Variants in KIF3C observed in about 807,000 individuals in gnomAD.
KIF3C encodes kinesin-like protein KIF3C.
Under a neutral mutation model 67.7 loss-of-function variants are expected in KIF3C, and 12 were observed. The ratio of observed to expected loss-of-function variants is 0.18; its 90% CI spans 0.11 to 0.29. KIF3C has a LOEUF of 0.29. KIF3C is among the 10% of genes least tolerant of loss of function. KIF3C has a pLI of 1.00. For missense variants in KIF3C, 789 were observed against 1,059.6 expected, an observed-to-expected ratio of 0.74 and a Z score of 3.55; for synonymous variants, 393 against 426.2, an observed-to-expected ratio of 0.92 and a Z score of 0.96.
chr2:25,969,296 T>C (rs1393400333), intron 1 of KIF3C, among the ~76,000 whole-genome samples: 3 of 152,196 alleles, frequency 2.0e-5, no homozygotes, highest in Admixed American at 2.0e-4. Flanking sequence ...CATATATCTT[T>C]TATATGTCCC....
Position 25,955,473 on chromosome 2 carries a change from A to G in KIF3C, c.1770+68T>C. The G allele has an allele frequency of 6.3e-7, 1 of 1,581,688 alleles. No homozygotes were observed. Among genetic ancestry groups the G allele is most frequent in the Non-Finnish European group, 8.6e-7 (1 of 1,158,360 alleles). Reference sequence around the variant, plus strand: ...CCAAATGGGGAGGAGTCCCTGAAGCACACATCCCTTGGGCAGAGACTGCTG... The same window carrying G: ...CCAAATGGGGAGGAGTCCCTGAAGCGCACATCCCTTGGGCAGAGACTGCTG... On this transcript the variant is annotated intron_variant, in intron 3 of 7. Transcript: ENST00000264712. This position sits in a 1 kb window ranked among gnomAD's most constrained non-coding sequence, Gnocchi z 5.0.
chr2:25,947,537 C>A (rs1002746071), intron 5 of KIF3C, among the ~76,000 whole-genome samples: 3 of 149,962 alleles, frequency 2.0e-5, no homozygotes, highest in African/African-American at 7.4e-5. Flanking sequence ...GCTGAGATAG[C>A]GCCACTGCAC....
chr2:25,957,857 G>A (rs946313508), intron 1 of KIF3C, among the ~76,000 whole-genome samples: 1 of 152,240 alleles, frequency 6.6e-6, no homozygotes, highest in African/African-American at 2.4e-5. Flanking sequence ...GCAGGAGGAA[G>A]AGGCCTTGAG....
chr2:25,962,170 A>T (rs1376271848), intron 1 of KIF3C, among the ~76,000 whole-genome samples: 1 of 152,196 alleles, frequency 6.6e-6, no homozygotes, highest in African/African-American at 2.4e-5. Context: ...TACATTTACG[A>T]AATTTGTTAC....
At chr2:25,944,724 G>T (rs1663382925) in intron 5 of KIF3C, among the ~76,000 whole-genome samples, 2 of 152,198 alleles carry the variant, frequency 1.3e-5, no homozygotes, top group South Asian at 4.1e-4. Flanking sequence ...TCTTTATTCT[G>T]AACAGGTACA....
intron 5 of KIF3C, among the ~76,000 whole-genome samples, chr2:25,937,789 G>T (rs540495529): frequency 6.6e-6 from 1 of 152,102 alleles, no homozygotes; most frequent in Admixed American, 6.6e-5. Context: ...GGTGGCTCAC[G>T]GCACGCCTGT....
rs561170412 is a variant in KIF3C, at chr2:25,948,614, AAGAGAAAG to A, written c.2006+3167_2006+3174del. Among the ~76,000 whole-genome samples, 1,172 of 146,312 alleles carry A rather than the reference AAGAGAAAG, an allele frequency of 8.0e-3. 11 individuals are homozygous for A. Among genetic ancestry groups the A allele is most frequent in the Non-Finnish European group, 0.012 (795 of 66,760 alleles). On this transcript the variant is annotated intron_variant, in intron 5 of 7. Coordinates refer to ENST00000264712, the MANE Select transcript of KIF3C (RefSeq NM_002254.8). ...GGAGAAAGAGAAAGAAAGAAAGAGA[AAGAGAAAG>A]AGAGAAAGAGAGAGAGAAAGAGAAA...
At chr2:25,944,555 T>C (rs763361144) in intron 5 of KIF3C, among the ~76,000 whole-genome samples, 1 of 151,978 alleles carries the variant, frequency 6.6e-6, no homozygotes, top group Non-Finnish European at 1.5e-5. Flanking sequence ...CTCGCTATGT[T>C]GCCCAGGCTG....
In KIF3C at chr2:25,929,971, G is replaced by A. The variant is rs746685527; in HGVS notation, c.2099C>T (p.Ser700Phe). 2 of 1,611,206 alleles carry A rather than the reference G, an allele frequency of 1.2e-6. No homozygotes were observed. Among genetic ancestry groups the A allele is most frequent in the Admixed American group, 1.7e-5 (1 of 60,010 alleles). Residue 700 changes from serine (S) to phenylalanine (F), a missense_variant, in exon 6 of 8, where the codon TCC (serine) becomes TTC (phenylalanine). Ser to Phe is a radical substitution (Grantham distance 155). Transcript: ENST00000264712. ...GCTTCTTACCCTGTACCTGGGGTGG[G>A]ACCCCATTGCCATGGCAACCCGAGC... is the stretch of plus-strand genomic sequence containing the variant. Reference protein sequence around the residue: ...QYARVAMAMGSHPRYRAENIM... With the variant: ...QYARVAMAMGFHPRYRAENIM...
intron 1 of KIF3C, among the ~76,000 whole-genome samples, chr2:25,972,650 A>C (rs1232681951): frequency 6.6e-6 from 1 of 152,200 alleles, no homozygotes; most frequent in African/African-American, 2.4e-5. Context: ...GGACATGTGG[A>C]TGGAACCAGA....
intron 5 of KIF3C, among the ~76,000 whole-genome samples, chr2:25,941,427 A>G (rs910644024): frequency 6.6e-6 from 1 of 151,980 alleles, no homozygotes; most frequent in South Asian, 2.1e-4. Flanking sequence ...GCTGTCACAT[A>G]TATCACCCTT....
At chr2:25,930,677 A>C (rs1342270986) in intron 5 of KIF3C, among the ~76,000 whole-genome samples, 1 of 152,134 alleles carries the variant, frequency 6.6e-6, no homozygotes, top group African/African-American at 2.4e-5. Context: ...AGCTTGGATT[A>C]TAGGCATGTG....
chr2:25,951,886 A>G lies in KIF3C; in HGVS notation c.1909T>C (p.Phe637Leu). The G allele has an allele frequency of 6.2e-7, 1 of 1,613,536 alleles. No individual in the cohort carries two copies. The highest frequency in any genetic ancestry group is 8.5e-7 in the Non-Finnish European group (1 of 1,179,510). ...TTGTTCTTCTCCTCCGGCGGGATGA[A>G]GTTCTCGATGATTAGGTACCTGGGA... is the stretch of plus-strand genomic sequence containing the variant. The part of the protein sequence containing the change: ...LKLKYLIIEN[F>L]IPPEEKNKIM... Residue 637 changes from phenylalanine (F) to leucine (L), a missense_variant, in exon 5 of 8, where the codon TTC becomes CTC. Around this residue, in one of 2 missense-constraint regions of KIF3C, gnomAD observed 648 missense variants for 807.8 expected, o/e 0.80. Transcript: ENST00000264712.
intron 5 of KIF3C, among the ~76,000 whole-genome samples, chr2:25,937,636 C>G (rs1663169084): frequency 6.6e-6 from 1 of 152,156 alleles, no homozygotes; most frequent in Non-Finnish European, 1.5e-5. Context: ...AACTTAACAA[C>G]CTCCGGAGGT....
chr2:25,961,916 C>T (rs1663953806), intron 1 of KIF3C, among the ~76,000 whole-genome samples: 1 of 148,090 alleles, frequency 6.8e-6, no homozygotes, highest in Admixed American at 6.8e-5. Flanking sequence ...CCACTGCACT[C>T]CTGCCTGGGT....
chr2:25,963,265 G>A (rs1391260778), intron 1 of KIF3C, among the ~76,000 whole-genome samples: 1 of 128,690 alleles, frequency 7.8e-6, no homozygotes, highest in African/African-American at 3.0e-5. Flanking sequence ...GAGTGCAGTG[G>A]TGCACTCTCA....
chr2:25,952,994 C>T (rs139403245), intron 4 of KIF3C, among the ~76,000 whole-genome samples: 1,572 of 152,078 alleles, frequency 0.01, 11 homozygotes, highest in Non-Finnish European at 0.017. Flanking sequence ...TGTGGCCAGG[C>T]GAGGTGGCTC....
chr2:25,982,142 T>C lies in KIF3C; in HGVS notation c.-225A>G. ...TCTCTGCACCGGCTGGGAGGTGAAT[T>C]AGGCAGAATCCCCCAGTCGCCGCGG... is the stretch of plus-strand genomic sequence containing the variant. On this transcript the variant is annotated 5_prime_UTR_variant, in exon 1 of 8. An upstream open reading frame in the 5' UTR loses its in-frame stop. Transcript: ENST00000264712. The C allele has an allele frequency of 2.2e-6, 1 of 455,440 alleles. No individual in the cohort carries two copies. The highest frequency in any genetic ancestry group is 3.9e-6 in the Non-Finnish European group (1 of 259,260). 28.2% of individuals were successfully genotyped at this position (455,440 alleles called of 1,614,324 possible).
At chr2:25,934,189 A>G (rs1230504873) in intron 5 of KIF3C, 1 of 470,978 alleles carries the variant, frequency 2.1e-6, no homozygotes, top group African/African-American at 2.0e-5. Flanking sequence ...AACAGAAAGT[A>G]GATTGGCAGT....
Sources: gnomAD v4.1 joint callset for allele counts (sites outside exome capture counted in the v4.1 genomes callset) on GRCh38, gnomAD v4.1.1 for gene constraint, gnomAD v4.1.1 regional missense constraint, Gnocchi (gnomAD v3.1) non-coding constraint, MANE v1.5 for transcripts, NCBI Gene and HGNC (gene_info 2026-07-23, HGNC 2026-07-21) for gene names.